Variants in LINGO2 observed in about 807,000 individuals in gnomAD.
The protein encoded by LINGO2 is leucine rich repeat and Ig domain containing 2.
A neutral mutation model predicts 30.6 loss-of-function variants in LINGO2; 14 were observed. The observed-to-expected ratio is 0.46, with a 90% CI of 0.30 to 0.72. The LOEUF is 0.72. LINGO2 is among the 30% of genes least tolerant of loss of function. LINGO2 has a pLI of 0.07. For missense variants in LINGO2, 729 were observed against 751.7 expected (o/e 0.97, Z 0.35); for synonymous variants, 317 against 288.5 (o/e 1.10, Z -1.00).
chr9:28,938,266 T>C, the LINGO2 span, among the ~76,000 whole-genome samples: 2 of 152,204 alleles, frequency 1.3e-5, no homozygotes, highest in East Asian at 1.9e-4. Flanking sequence ...TACCTCTTTA[T>C]GGAGTGATTG....
At chr9:28,939,552 T>G in the LINGO2 span, among the ~76,000 whole-genome samples, 1 of 152,166 alleles carries the variant, frequency 6.6e-6, no homozygotes, top group East Asian at 1.9e-4. Context: ...TGGCATCTCT[T>G]CTATATGATA....
the LINGO2 span, among the ~76,000 whole-genome samples, chr9:29,181,440 A>C: frequency 6.6e-6 from 1 of 152,322 alleles, no homozygotes; most frequent in Non-Finnish European, 1.5e-5. Context: ...AATTTGAAAA[A>C]AAAAGTTTCC....
chr9:28,280,972 A>G (rs935078155), intron 4 of LINGO2, among the ~76,000 whole-genome samples: 4 of 152,194 alleles, frequency 2.6e-5, no homozygotes, highest in Admixed American at 2.0e-4. Context: ...CATTATGAAC[A>G]GTAACAGAAG....
intron 1 of LINGO2, among the ~76,000 whole-genome samples, chr9:28,563,220 C>T (rs1330295110): frequency 6.6e-6 from 1 of 151,988 alleles, no homozygotes; most frequent in Non-Finnish European, 1.5e-5. Context: ...TTGATCAAAA[C>T]CTCAGAACTA....
rs546250687 is a variant in LINGO2, at chr9:28,359,121, G to A, written c.-246+13715C>T. Among the ~76,000 whole-genome samples, 231 of 152,124 alleles carry A rather than the reference G, an allele frequency of 1.5e-3. 1 individual carries two copies. The highest frequency in any genetic ancestry group is 5.3e-3 in the African/African-American group (221 of 41,512). ...CCAAACTTCTACTTACAAAAGAATCGACTGCAAAGAGGACATCTGTACCTC... is the reference window on the plus strand; with the variant it reads ...CCAAACTTCTACTTACAAAAGAATCAACTGCAAAGAGGACATCTGTACCTC... On this transcript the variant is annotated intron_variant, in intron 3 of 5. Coordinates refer to ENST00000379992, the Ensembl canonical transcript of LINGO2.
chr9:28,698,919 G>A, the LINGO2 span, among the ~76,000 whole-genome samples: 9 of 151,910 alleles, frequency 5.9e-5, no homozygotes, highest in African/African-American at 2.2e-4. Context: ...GTGTGCACCT[G>A]TAGTCCTAGC....
intron 2 of LINGO2, among the ~76,000 whole-genome samples, chr9:28,430,189 G>A (rs1823604533): frequency 6.6e-6 from 1 of 152,102 alleles, no homozygotes; most frequent in East Asian, 1.9e-4. Context: ...ATTGATGACA[G>A]CTGACTGGAG....
chr9:28,781,420 G>A, the LINGO2 span, among the ~76,000 whole-genome samples: 112 of 152,260 alleles, frequency 7.4e-4, no homozygotes, highest in African/African-American at 2.5e-3. Context: ...ACAGGCAGAA[G>A]CTCCATAAAG....
chr9:28,276,859 GTTAATA>G (rs1253231700), intron 4 of LINGO2, among the ~76,000 whole-genome samples: 2 of 152,146 alleles, frequency 1.3e-5, no homozygotes, highest in Non-Finnish European at 2.9e-5. Context: ...ATGATATCTC[GTTAATA>G]TTAATATTAA....
intron 4 of LINGO2, among the ~76,000 whole-genome samples, chr9:28,162,278 C>T (rs1433497664): frequency 6.6e-6 from 1 of 152,116 alleles, no homozygotes; most frequent in East Asian, 1.9e-4. Flanking sequence ...TATTGTTTGT[C>T]CAATAAACAT....
intron 1 of LINGO2, among the ~76,000 whole-genome samples, chr9:28,493,835 A>G (rs1819474715): frequency 6.6e-6 from 1 of 152,152 alleles, no homozygotes; most frequent in Non-Finnish European, 1.5e-5. Flanking sequence ...CAAAGACTAG[A>G]CAGGCTTAGC....
chr9:28,548,205 T>A (rs1275479412), intron 1 of LINGO2, among the ~76,000 whole-genome samples: 1 of 152,066 alleles, frequency 6.6e-6, no homozygotes, highest in East Asian at 1.9e-4. Flanking sequence ...TAAAGTTAGG[T>A]GTCCATTCTT....
the LINGO2 span, among the ~76,000 whole-genome samples, chr9:28,950,499 T>C: frequency 2.6e-5 from 4 of 152,222 alleles, no homozygotes; most frequent in Admixed American, 6.5e-5. Context: ...GAAAACCCCA[T>C]TGTCTCAGCC....
the LINGO2 span, among the ~76,000 whole-genome samples, chr9:28,999,786 G>A: frequency 6.6e-6 from 1 of 151,820 alleles, no homozygotes; most frequent in Non-Finnish European, 1.5e-5. Flanking sequence ...GCAACCTTTA[G>A]AAAAAGAAAA....
intron 4 of LINGO2, among the ~76,000 whole-genome samples, chr9:28,142,084 ACTTC>A (rs1827687611): frequency 6.6e-6 from 1 of 151,736 alleles, no homozygotes; most frequent in African/African-American, 2.4e-5. Context: ...TTGTTGCCCA[ACTTC>A]CTTCCTTTTC....
intron 1 of LINGO2, among the ~76,000 whole-genome samples, chr9:28,618,482 CAG>C (rs1826239098): frequency 6.6e-6 from 1 of 152,034 alleles, no homozygotes. Flanking sequence ...AAACAGCATC[CAG>C]AGTGTTATTT....
intron 5 of LINGO2, among the ~76,000 whole-genome samples, chr9:27,967,495 A>G (rs1479249679): frequency 1.3e-5 from 2 of 152,132 alleles, no homozygotes; most frequent in Admixed American, 1.3e-4. Flanking sequence ...TGAAGTAGAG[A>G]AAATGCTGGT....
chr9:28,126,603 T>C (rs1302999550), intron 4 of LINGO2, among the ~76,000 whole-genome samples: 2 of 152,238 alleles, frequency 1.3e-5, no homozygotes, highest in Non-Finnish European at 1.5e-5. Flanking sequence ...TGAAGTTCAC[T>C]TTGGGGCACC....
intron 2 of LINGO2, among the ~76,000 whole-genome samples, chr9:28,441,329 T>C (rs1291091394): frequency 2.2e-5 from 3 of 139,392 alleles, no homozygotes; most frequent in African/African-American, 7.8e-5. Flanking sequence ...GTTTATATAT[T>C]AAACTAACTT....
Sources: gnomAD v4.1 joint callset for allele counts (sites outside exome capture counted in the v4.1 genomes callset) on GRCh38, gnomAD v4.1.1 for gene constraint, MANE v1.5 for transcripts, NCBI Gene and HGNC (gene_info 2026-07-23, HGNC 2026-07-21) for gene names.